ABI1: variants seen among roughly 807,000 people sequenced by gnomAD.
ABI1 encodes abl interactor 1.
ABI1 carries 14 observed loss-of-function variants against 54.6 expected under a neutral mutation model. The ratio of observed to expected loss-of-function variants is 0.26; its 90% CI spans 0.17 to 0.40. ABI1 has a LOEUF of 0.40. Among genes scored for constraint, ABI1 ranks in the 10% least tolerant of loss-of-function variants. The pLI is 1.00. For missense variants in ABI1, 443 were observed against 598.3 expected (o/e 0.74, Z 2.71); for synonymous variants, 194 against 209.3 (o/e 0.93, Z 0.63).
intron 2 of ABI1, among the ~76,000 whole-genome samples, chr10:26,819,421 C>G (rs1227864923): frequency 6.6e-6 from 1 of 152,034 alleles, no homozygotes; most frequent in African/African-American, 2.4e-5. Flanking sequence ...AGTATCACTT[C>G]AAAATACGTA....
At chr10:26,809,853 C>A (rs1198510185) in intron 2 of ABI1, among the ~76,000 whole-genome samples, 1 of 152,154 alleles carries the variant, frequency 6.6e-6, no homozygotes, top group African/African-American at 2.4e-5. Flanking sequence ...GGGTAGCATG[C>A]CCTGATTCCA....
chr10:26,849,039 A>T (rs1250487479), intron 1 of ABI1, among the ~76,000 whole-genome samples: 1 of 152,232 alleles, frequency 6.6e-6, no homozygotes. Context: ...AAAGGAAGGT[A>T]TTAAGTCTAC....
chr10:26,850,670 A>G (rs569589617), intron 1 of ABI1, among the ~76,000 whole-genome samples: 10 of 151,974 alleles, frequency 6.6e-5, no homozygotes, highest in South Asian at 2.1e-4. Flanking sequence ...AAAAAAAAAA[A>G]AAAAGAAAAG....
chr10:26,787,643 G>A (rs539580911), intron 2 of ABI1, among the ~76,000 whole-genome samples: 2 of 152,274 alleles, frequency 1.3e-5, no homozygotes, highest in South Asian at 2.1e-4. Flanking sequence ...TTCACCAAGC[G>A]AGAGTTAGCT....
intron 1 of ABI1, among the ~76,000 whole-genome samples, chr10:26,858,522 G>C (rs901046552): frequency 1.2e-3 from 78 of 63,918 alleles, no homozygotes; most frequent in Admixed American, 2.6e-3. Context: ...ACCCCACCCC[G>C]CCCCCACAAA....
At chr10:26,831,321 T>C (rs765464533) in intron 1 of ABI1, among the ~76,000 whole-genome samples, 1 of 151,912 alleles carries the variant, frequency 6.6e-6, no homozygotes, top group East Asian at 1.9e-4. Context: ...GGCAGGTGGA[T>C]GGCTTAAGGT....
chr10:26,847,359 C>T (rs1384186415), intron 1 of ABI1, among the ~76,000 whole-genome samples: 1 of 152,144 alleles, frequency 6.6e-6, no homozygotes, highest in Non-Finnish European at 1.5e-5. Flanking sequence ...TGGTGGCTCA[C>T]GCCGGTAATC....
chr10:26,796,892 C>T (rs1388760484), intron 2 of ABI1, among the ~76,000 whole-genome samples: 1 of 152,120 alleles, frequency 6.6e-6, no homozygotes, highest in East Asian at 1.9e-4. Flanking sequence ...AAGGAGCATG[C>T]AACTTAGGTC....
chr10:26,853,456 G>A (rs1589090816), intron 1 of ABI1, among the ~76,000 whole-genome samples: 1 of 147,392 alleles, frequency 6.8e-6, no homozygotes, highest in South Asian at 2.1e-4. Context: ...ATGATATTAG[G>A]AAAAATATAC....
At chr10:26,834,753 G>A (rs2048929171) in intron 1 of ABI1, among the ~76,000 whole-genome samples, 1 of 151,992 alleles carries the variant, frequency 6.6e-6, no homozygotes, top group Non-Finnish European at 1.5e-5. Context: ...GATCACCTGA[G>A]GTCAGGAGTT....
intron 1 of ABI1, among the ~76,000 whole-genome samples, chr10:26,858,895 T>C (rs1280101877): frequency 2.0e-5 from 3 of 152,228 alleles, no homozygotes; most frequent in Non-Finnish European, 2.9e-5. Flanking sequence ...CACCCCTGTA[T>C]GAAGCACTTA....
At chr10:26,826,627 T>C (rs114576812) in intron 1 of ABI1, among the ~76,000 whole-genome samples, 2,410 of 152,346 alleles carry the variant, frequency 0.016, 53 homozygotes, top group African/African-American at 0.055. Context: ...TAGAAGACTG[T>C]TTCGTCTACA....
intron 1 of ABI1, among the ~76,000 whole-genome samples, chr10:26,829,646 G>A (rs2048537147): frequency 6.6e-6 from 1 of 151,576 alleles, no homozygotes; most frequent in Non-Finnish European, 1.5e-5. Flanking sequence ...AATTTTCTAG[G>A]GTCATGTCAA....
At chr10:26,829,235 A>G (rs1487831390) in intron 1 of ABI1, among the ~76,000 whole-genome samples, 2 of 152,030 alleles carry the variant, frequency 1.3e-5, no homozygotes, top group East Asian at 3.8e-4. Context: ...CAAAAAAAAA[A>G]AAAAAGCACC....
intron 1 of ABI1, among the ~76,000 whole-genome samples, chr10:26,843,697 TTTC>T (rs143492941): frequency 4.6e-4 from 70 of 150,764 alleles, no homozygotes; most frequent in African/African-American, 1.7e-3. Context: ...CCATGCTGCC[TTTC>T]TTCTTCTTCT....
chr10:26,768,506 C>T (rs994750438), intron 6 of ABI1, among the ~76,000 whole-genome samples: 1 of 151,722 alleles, frequency 6.6e-6, no homozygotes, highest in East Asian at 1.9e-4. Flanking sequence ...CCACTACACT[C>T]CAGCCTGGGC....
At chr10:26,859,258 G>T (rs1276173565) in intron 1 of ABI1, among the ~76,000 whole-genome samples, 2 of 152,022 alleles carry the variant, frequency 1.3e-5, no homozygotes, top group Non-Finnish European at 2.9e-5. Flanking sequence ...AAAAAATTGT[G>T]AAGATAAATT....
At position 26,755,671 on chromosome 10, in the gene ABI1, G is replaced by C; in HGVS notation, c.1068C>G (p.Ala356=). Reference sequence around the variant, plus strand: ...CAAACTTACTGTTTTCCTGCACCCTGGCCACGAAGCCTGTGAGAGGTATCT... The same window carrying C: ...CAAACTTACTGTTTTCCTGCACCCTCGCCACGAAGCCTGTGAGAGGTATCT... The part of the protein sequence containing the change: ...TPQIPLTGFV[A]RVQENIADSP... Residue 356 remains alanine, a synonymous_variant, in exon 9 of 11, where the codon GCC becomes GCG. Coordinates refer to ENST00000376140, the MANE Select transcript of ABI1 (RefSeq NM_001012750.3). 6.2e-7 allele frequency: 1 copy of C among 1,613,236 alleles called. No individual in the cohort carries two copies. Among genetic ancestry groups the C allele is most frequent in the Non-Finnish European group, 8.5e-7 (1 of 1,179,392 alleles).
Position 26,860,656 on chromosome 10 carries a change from G to T in ABI1, c.117+91C>A. The T allele has an allele frequency of 9.7e-7, 1 of 1,026,482 alleles. No homozygotes were observed. The highest frequency in any genetic ancestry group is 1.3e-5 in the South Asian group (1 of 77,808). The allele number at this position is 1,026,482 out of a possible 1,614,324, so 63.6% of individuals were successfully genotyped here. A position where few individuals can be genotyped will look rare whatever the true frequency, so the allele number is the denominator to read the frequency against. On this transcript the variant is annotated intron_variant, in intron 1 of 10. Transcript: ENST00000376140. The surrounding 1 kb of genome is among the most constrained non-coding windows in gnomAD (Gnocchi z 4.1). ...GCTCGGGTTGGTGGCAGCCGCTGAG[G>T]TCAGGGCAGTTCCCCACCCCGCCCA...
Sources: gnomAD v4.1 joint callset for allele counts (sites outside exome capture counted in the v4.1 genomes callset) on GRCh38, gnomAD v4.1.1 for gene constraint, Gnocchi (gnomAD v3.1) non-coding constraint, MANE v1.5 for transcripts, NCBI Gene and HGNC (gene_info 2026-07-23, HGNC 2026-07-21) for gene names.